PSG6: variants seen among roughly 807,000 people sequenced by gnomAD.
The protein encoded by PSG6 is pregnancy-specific beta-1-glycoprotein 6.
A neutral mutation model predicts 43.3 loss-of-function variants in PSG6; 51 were observed. That is an observed-to-expected ratio of 1.18 (90% confidence interval 0.94 to 1.49). The LOEUF (loss-of-function observed/expected upper bound fraction) is 1.49. Ranked by LOEUF, PSG6 falls within the 40% of genes most tolerant of loss-of-function variation. The probability of loss-of-function intolerance (pLI) is 0.00; values close to 1 mark genes in which losing one functional copy is unlikely to be tolerated. For synonymous variants in PSG6, 292 were observed against 197.6 expected, an observed-to-expected ratio of 1.48 and a Z score of -4.01; for missense variants, 770 against 522.2, an observed-to-expected ratio of 1.47 and a Z score of -4.62.
intron 1 of PSG6, among the ~76,000 whole-genome samples, chr19:42,917,317 G>A (rs1306851565): frequency 2.0e-5 from 3 of 149,940 alleles, no homozygotes; most frequent in South Asian, 2.2e-4. Flanking sequence ...CCCTATCCAG[G>A]CTCCAACAGA....
intron 3 of PSG6, among the ~76,000 whole-genome samples, chr19:42,908,762 G>A (rs1600542767): frequency 6.6e-6 from 1 of 151,720 alleles, no homozygotes; most frequent in Non-Finnish European, 1.5e-5. Context: ...AGACAAATTT[G>A]GAGAGAAGTT....
In PSG6 at chr19:42,907,019, G is replaced by T. The variant is rs372397828; in HGVS notation, c.1143C>A (p.Pro381=). The part of the protein sequence containing the change: ...FQLSGQKLFI[P]QITTNHSGLY... Reference sequence around the variant, plus strand: ...GCCCGCTATGATTTGTAGTAATTTGGGGGATAAAGAGCTTTTGTCCTGATA... The same window carrying T: ...GCCCGCTATGATTTGTAGTAATTTGTGGGATAAAGAGCTTTTGTCCTGATA... The change falls in exon 5 of 6, where the codon CCC becomes CCA. Residue 381 remains proline, a synonymous_variant. Coordinates refer to ENST00000187910, the MANE Select transcript of PSG6 (RefSeq NM_001031850.4). 1.2e-5 allele frequency: 19 copies of T among 1,612,358 alleles called. No homozygotes were observed. Among genetic ancestry groups the T allele is most frequent in the Admixed American group, 3.3e-5 (2 of 59,872 alleles).
intron 3 of PSG6, chr19:42,910,126 T>C (rs777799638): frequency 4.2e-6 from 1 of 239,294 alleles, no homozygotes; most frequent in Non-Finnish European, 8.3e-6. Flanking sequence ...ACTTCCCCTG[T>C]ATGGTAATAG....
At chr19:42,916,637 T>C in intron 1 of PSG6, 150 bp from the exon 2 acceptor site, 1 of 1,244,528 alleles carries the variant, frequency 8.0e-7, no homozygotes. Context: ...AAAGGGCATG[T>C]GTGTTTGTGT....
intron 3 of PSG6, among the ~76,000 whole-genome samples, chr19:42,908,922 C>T (rs554610343): frequency 1.3e-5 from 2 of 151,678 alleles, no homozygotes; most frequent in African/African-American, 4.8e-5. Flanking sequence ...AGAAGTTGTT[C>T]ATGGGTGTGC....
chr19:42,913,851 C>A (rs750875454), intron 2 of PSG6, among the ~76,000 whole-genome samples: 16 of 151,508 alleles, frequency 1.1e-4, no homozygotes, highest in Admixed American at 1.3e-4. Flanking sequence ...CCGCATGATT[C>A]CATCACCAAT....
At chr19:42,906,072 G>A (rs1811214) in intron 5 of PSG6, among the ~76,000 whole-genome samples, 55,902 of 151,172 alleles carry the variant, frequency 0.37, 12,250 homozygotes, top group African/African-American at 0.56. Flanking sequence ...AGTGTCTCGT[G>A]GTCTTGCCCT....
Position 42,913,264 on chromosome 19 carries a change from C to G in PSG6, c.428-2406G>C, listed in dbSNP as rs1378879008. On this transcript the variant is annotated intron_variant, in intron 2 of 5. Transcript: ENST00000187910. ...CTCCTGGGTTCATGCCATTCTCCTG[C>G]CTCGGCCTCCCAAGTAGCTGGGACT... Among the ~76,000 whole-genome samples, 2 of 151,546 alleles carry G rather than the reference C, an allele frequency of 1.3e-5. 1 individual carries two copies. Among genetic ancestry groups the G allele is most frequent in the South Asian group, 4.2e-4 (2 of 4,728 alleles).
chr19:42,916,015 A>T, intron 2 of PSG6, 110 bp downstream of exon 2: 2 of 1,550,180 alleles, frequency 1.3e-6, no homozygotes, highest in Non-Finnish European at 1.8e-6. Flanking sequence ...CCAGCATGGG[A>T]CATAATGCAG....
intron 2 of PSG6, chr19:42,915,604 C>A: frequency 6.0e-6 from 1 of 166,878 alleles, no homozygotes; most frequent in Admixed American, 5.6e-5. Context: ...GTGAACAGCT[C>A]CAGGAGACAC....
chr19:42,911,813 T>C (rs1488456727), intron 2 of PSG6, among the ~76,000 whole-genome samples: 2 of 151,694 alleles, frequency 1.3e-5, no homozygotes, highest in Non-Finnish European at 2.9e-5. Flanking sequence ...TTCTACTCTC[T>C]GATTCTGAGT....
In PSG6 at chr19:42,913,267, C is replaced by T. The variant is rs770765765; in HGVS notation, c.428-2409G>A. 1.8e-4 allele frequency among the ~76,000 whole-genome samples: 27 copies of T among 151,694 alleles called. 2 individuals carry two copies. The highest frequency in any genetic ancestry group is 4.2e-4 in the South Asian group (2 of 4,716). ...CTGGGTTCATGCCATTCTCCTGCCT[C>T]GGCCTCCCAAGTAGCTGGGACTACA... On this transcript the variant is annotated intron_variant, in intron 2 of 5. Transcript: ENST00000187910.
rs574794781 is a variant in PSG6, at chr19:42,905,077, C to T, written c.1240+1845G>A. Among the ~76,000 whole-genome samples the T allele has an allele frequency of 3.4e-4, 52 of 151,630 alleles. 2 individuals are homozygous for T. The highest frequency in any genetic ancestry group is 6.2e-4 in the Non-Finnish European group (42 of 67,860). The stretch of plus-strand genomic sequence containing the variant: ...AATGATATTGGGAAAGGTGGATATC[C>T]AAGGGCAAGAAGAGTGGAACCTTTA... On this transcript the variant is annotated intron_variant, in intron 5 of 5. Coordinates refer to ENST00000187910, the MANE Select transcript of PSG6 (RefSeq NM_001031850.4).
chr19:42,917,373 T>A (rs573251936), intron 1 of PSG6, among the ~76,000 whole-genome samples: 2 of 147,048 alleles, frequency 1.4e-5, no homozygotes, highest in Non-Finnish European at 3.0e-5. Flanking sequence ...CTTTTTTTTT[T>A]TTTTTTTTGA....
At chr19:42,909,983 G>C (rs1385054774) in intron 3 of PSG6, 1 of 160,776 alleles carries the variant, frequency 6.2e-6, no homozygotes, top group Non-Finnish European at 1.4e-5. Flanking sequence ...GGATGAAACA[G>C]ACATAGACCC....
In PSG6 at chr19:42,916,485, A is replaced by G. The variant is rs1454726767; in HGVS notation, c.67T>C (p.Ser23Pro). 1 of 1,609,022 alleles carries G rather than the reference A, an allele frequency of 6.2e-7. No homozygotes were observed. Among genetic ancestry groups the G allele is most frequent in the African/African-American group, 1.3e-5 (1 of 74,578 alleles). Reference sequence around the variant, plus strand: ...GGCAGGTTCCAGAAGTTTAAAAGTGATGCTAGGAGGTAGAGACAGCATCAG... The same window carrying G: ...GGCAGGTTCCAGAAGTTTAAAAGTGGTGCTAGGAGGTAGAGACAGCATCAG... Reference protein sequence around the residue: ...ITWKGLLLTASLLNFWNLPTT... With the variant: ...ITWKGLLLTAPLLNFWNLPTT... The change falls in exon 2 of 6, where the codon TCA becomes CCA. Residue 23 changes from serine (S) to proline (P), a missense_variant and splice_region_variant. Ser to Pro is a moderately conservative substitution (Grantham distance 74). Transcript: ENST00000187910.
chr19:42,910,209 T>A, intron 3 of PSG6: 1 of 409,910 alleles, frequency 2.4e-6, no homozygotes, highest in Middle Eastern at 7.2e-4. Context: ...GGCGATATTG[T>A]CAGAGGGAAG....
chr19:42,903,114 G>A (rs941892228), intron 5 of PSG6, among the ~76,000 whole-genome samples: 9 of 151,698 alleles, frequency 5.9e-5, no homozygotes, highest in African/African-American at 2.2e-4. Flanking sequence ...GTGGATCTGA[G>A]ATTTGATTCT....
chr19:42,904,488 C>A (rs1972082526), intron 5 of PSG6, among the ~76,000 whole-genome samples: 1 of 151,704 alleles, frequency 6.6e-6, no homozygotes, highest in African/African-American at 2.4e-5. Context: ...TATTTCAATA[C>A]ACTAACCATG....
Sources: allele counts gnomAD v4.1 joint callset (sites outside exome capture counted in the v4.1 genomes callset), GRCh38; gene constraint gnomAD v4.1.1; transcripts MANE v1.5; gene names NCBI Gene and HGNC (gene_info 2026-07-23, HGNC 2026-07-21).